AKT3: variants seen among roughly 807,000 people sequenced by gnomAD.
AKT3 encodes AKT serine/threonine kinase 3.
AKT3 carries 15 observed loss-of-function variants against 65.3 expected under a neutral mutation model. The ratio of observed to expected loss-of-function variants is 0.23; its 90% confidence interval spans 0.15 to 0.35. AKT3 has a LOEUF of 0.35. Among genes scored for constraint, AKT3 ranks in the 10% least tolerant of loss-of-function variants. AKT3 has a pLI of 1.00. For synonymous variants in AKT3, 206 were observed against 183.8 expected (o/e 1.12, Z -0.98); for missense variants, 243 against 576.5 (o/e 0.42, Z 5.92).
intron 12 of AKT3, among the ~76,000 whole-genome samples, chr1:243,534,396 C>A (rs1671757645): frequency 6.6e-6 from 1 of 152,140 alleles, no homozygotes; most frequent in Non-Finnish European, 1.5e-5. Context: ...ACTGATAGAA[C>A]TGGAAGGAGA....
rs907025612 is a variant in AKT3, at chr1:243,503,490, G to A, written c.*1759C>T. Reference sequence around the variant, plus strand: ...TAAAATACATTTCCATGATCACTCCGCGGAGTAGGATGGCCTTCTGCTTGC... The same window carrying A: ...TAAAATACATTTCCATGATCACTCCACGGAGTAGGATGGCCTTCTGCTTGC... On this transcript the variant is annotated 3_prime_UTR_variant, in exon 14 of 14. Coordinates refer to ENST00000673466, the MANE Select transcript of AKT3 (RefSeq NM_005465.7). 2.6e-5 allele frequency: 6 copies of A among 233,288 alleles called. No homozygotes were observed. Among genetic ancestry groups the A allele is most frequent in the South Asian group, 1.8e-4 (1 of 5,520 alleles). The allele number at this position is 233,288 out of a possible 1,614,324, so 14.5% of individuals were successfully genotyped here. A position where few individuals can be genotyped will look rare whatever the true frequency, so the allele number is the denominator to read the frequency against.
At chr1:243,661,497 G>A (rs1188051243) in intron 4 of AKT3, among the ~76,000 whole-genome samples, 1 of 150,330 alleles carries the variant, frequency 6.7e-6, no homozygotes, top group Non-Finnish European at 1.5e-5. Context: ...AAACTGGCTA[G>A]CCATATGTAG....
At chr1:243,843,934 G>C (rs1002486766) in intron 1 of AKT3, among the ~76,000 whole-genome samples, 4 of 152,190 alleles carry the variant, frequency 2.6e-5, no homozygotes, top group Non-Finnish European at 5.9e-5. Context: ...ACAGAAGTGA[G>C]CCACCACAAC....
rs371193701 is a variant in AKT3, at chr1:243,665,321, TCTTTA to T, written c.173-443_173-439del. 4.7e-3 allele frequency among the ~76,000 whole-genome samples: 721 copies of T among 152,296 alleles called. 6 individuals are homozygous for T. Among genetic ancestry groups the T allele is most frequent in the African/African-American group, 0.017 (696 of 41,564 alleles). ...ACTGACCATTTCATCCTCTCTATTC[TCTTTA>T]CTTATTACCATATCCCTCATGTGTC... On this transcript the variant is annotated intron_variant, in intron 3 of 13. Coordinates refer to ENST00000673466, the MANE Select transcript of AKT3 (RefSeq NM_005465.7).
At chr1:243,493,017 C>G (rs999530494) in intron 13 of AKT3, among the ~76,000 whole-genome samples, 2 of 152,156 alleles carry the variant, frequency 1.3e-5, no homozygotes, top group Admixed American at 1.3e-4. Context: ...CATGAAATGG[C>G]TCTTACTTGT....
rs533793106 is a variant in AKT3, at chr1:243,812,613, G to A, written c.46+30512C>T. Among the ~76,000 whole-genome samples the A allele has an allele frequency of 9.9e-4, 150 of 152,144 alleles. 1 individual carries two copies. Among genetic ancestry groups the A allele is most frequent in the Non-Finnish European group, 2.8e-4 (19 of 68,022 alleles). ...CAACCATTGTGGAAGACAGTGTGGC[G>A]ATTCCTCAGGGATCTAGAACTAGAA... On this transcript the variant is annotated intron_variant, in intron 2 of 13. Coordinates refer to ENST00000673466, the MANE Select transcript of AKT3 (RefSeq NM_005465.7).
intron 3 of AKT3, among the ~76,000 whole-genome samples, chr1:243,683,759 T>C (rs536058730): frequency 9.2e-5 from 14 of 152,276 alleles, no homozygotes; most frequent in South Asian, 6.2e-4. Context: ...GTATAAACTA[T>C]TGAAGCTGAT....
intron 2 of AKT3, among the ~76,000 whole-genome samples, chr1:243,708,024 A>G (rs1167597359): frequency 2.0e-5 from 3 of 152,120 alleles, no homozygotes; most frequent in Admixed American, 1.3e-4. Flanking sequence ...GTGGCTTCAA[A>G]TAATTTTGAA....
chr1:243,720,399 A>C (rs1686802981), intron 2 of AKT3, among the ~76,000 whole-genome samples: 1 of 151,626 alleles, frequency 6.6e-6, no homozygotes, highest in Non-Finnish European at 1.5e-5. Context: ...AAGGATCTTA[A>C]AATCTTTTTG....
intron 2 of AKT3, among the ~76,000 whole-genome samples, chr1:243,725,004 A>G (rs1687122244): frequency 6.6e-6 from 1 of 151,546 alleles, no homozygotes; most frequent in Admixed American, 6.6e-5. Context: ...GGAGTCCAGG[A>G]CCAGCCTCGG....
intron 2 of AKT3, among the ~76,000 whole-genome samples, chr1:243,812,435 C>T (rs1348929351): frequency 6.6e-6 from 1 of 152,210 alleles, no homozygotes; most frequent in African/African-American, 2.4e-5. Flanking sequence ...CTCATCATCA[C>T]TGGCCATCAG....
At chr1:243,547,928 T>C (rs1256931086) in intron 11 of AKT3, 1 of 152,220 alleles carries the variant, frequency 6.6e-6, no homozygotes, top group Non-Finnish European at 1.5e-5. Flanking sequence ...TGCTGTTCGA[T>C]GTTTGCATTT....
rs1020539769 is a variant in AKT3 at position 243,836,299 on chromosome 1, G to T, written c.46+6826C>A. 3.3e-5 allele frequency among the ~76,000 whole-genome samples: 5 copies of T among 151,888 alleles called. No homozygotes were observed. In the East Asian group the frequency reaches 9.7e-4, roughly 29 times the overall value. On this transcript the variant is annotated intron_variant, in intron 2 of 13. Transcript: ENST00000673466. ...AAAGAGTGTCACTTGAGAAAAAGGTGAACATTTCATAAGGATAAAAGAAGC... is the reference window on the plus strand; with the variant it reads ...AAAGAGTGTCACTTGAGAAAAAGGTTAACATTTCATAAGGATAAAAGAAGC...
chr1:243,844,306 C>T (rs1695415614), intron 1 of AKT3, among the ~76,000 whole-genome samples: 1 of 152,140 alleles, frequency 6.6e-6, no homozygotes, highest in African/African-American at 2.4e-5. Context: ...AAGATCTGAA[C>T]CCAGGCTGTC....
At chr1:243,728,854 CTT>C (rs1687372763) in intron 2 of AKT3, among the ~76,000 whole-genome samples, 1 of 152,052 alleles carries the variant, frequency 6.6e-6, no homozygotes, top group Admixed American at 6.5e-5. Context: ...TTCAGGGAAA[CTT>C]AGTTTTTCCT....
Position 243,500,020 on chromosome 1 carries a change from T to G in AKT3, c.*5229A>C, listed in dbSNP as rs978401873. Reference sequence around the variant, plus strand: ...GTATGTTTTCAGAAATGGCTTGAAGTTATGTGTTTAAATCTGCTCATTCGT... The same window carrying G: ...GTATGTTTTCAGAAATGGCTTGAAGGTATGTGTTTAAATCTGCTCATTCGT... On this transcript the variant is annotated 3_prime_UTR_variant, in exon 14 of 14. Coordinates refer to ENST00000673466, the MANE Select transcript of AKT3 (RefSeq NM_005465.7). 41 of 581,540 alleles carry G rather than the reference T, an allele frequency of 7.1e-5. No homozygotes were observed. The highest frequency in any genetic ancestry group is 1.2e-4 in the Non-Finnish European group (40 of 326,298). 36.0% of individuals were successfully genotyped at this position (581,540 alleles called of 1,614,324 possible). A position where few individuals can be genotyped will look rare whatever the true frequency, so the allele number is the denominator to read the frequency against.
intron 3 of AKT3, among the ~76,000 whole-genome samples, chr1:243,693,772 TA>T (rs1572182414): frequency 6.6e-6 from 1 of 152,188 alleles, no homozygotes; most frequent in Non-Finnish European, 1.5e-5. Context: ...AAGATTGCGG[TA>T]AGTCAAGCTT....
chr1:243,556,105 T>C (rs896709713), intron 10 of AKT3, among the ~76,000 whole-genome samples: 2 of 152,150 alleles, frequency 1.3e-5, no homozygotes, highest in Admixed American at 1.3e-4. Context: ...AACAAGGCTG[T>C]ATTTCTAATA....
At chr1:243,810,120 G>A (rs1693030550) in intron 2 of AKT3, among the ~76,000 whole-genome samples, 1 of 152,178 alleles carries the variant, frequency 6.6e-6, no homozygotes, top group African/African-American at 2.4e-5. Flanking sequence ...AAGAACTAGA[G>A]AAGCAAGAGC....
Sources: allele counts gnomAD v4.1 joint callset (sites outside exome capture counted in the v4.1 genomes callset), GRCh38; gene constraint gnomAD v4.1.1; transcripts MANE v1.5; gene names NCBI Gene and HGNC (gene_info 2026-07-23, HGNC 2026-07-21).